The following HDGFL2 variants were observed in gnomAD, a reference collection of about 807,000 sequenced individuals.
HDGFL2 encodes the protein hepatoma-derived growth factor-related protein 2.
Under a neutral mutation model 77.1 loss-of-function variants are expected in HDGFL2, and 36 were observed. The ratio of observed to expected loss-of-function variants is 0.47; its 90% CI spans 0.36 to 0.62. HDGFL2 has a LOEUF of 0.62. Ranked by LOEUF, HDGFL2 falls within the 20% of genes least tolerant of loss-of-function variation. The pLI, the probability that HDGFL2 is intolerant of heterozygous loss-of-function variation, is 0.00. For missense variants in HDGFL2, 976 were observed against 973.4 expected, an observed-to-expected ratio of 1.00 and a Z score of -0.04; for synonymous variants, 463 against 413.1, an observed-to-expected ratio of 1.12 and a Z score of -1.46.
At chr19:4,501,813 A>G (rs1975898144) in intron 15 of HDGFL2, 98 bp from the exon 16 acceptor site, 3 of 864,806 alleles carry the variant, frequency 3.5e-6, no homozygotes, top group Non-Finnish European at 5.0e-6. Flanking sequence ...AGGTGCCACA[A>G]CGGGGGTACA....
rs1400638309 is a variant in HDGFL2, at chr19:4,493,984, G to C, written c.841G>C (p.Glu281Gln). ...ACCCCCTCCTCCTCTTCCTGTAGCG[G>C]AGAAGCCTCTCCCGAAGCCGCGAGG... ...KKPPRGRKPA[E>Q]KPLPKPRGRK... Residue 281 changes from glutamate (E) to glutamine (Q), a missense_variant and splice_region_variant, in exon 8 of 16, where the codon GAG (glutamate) becomes CAG (glutamine). Around this residue, in one of 5 missense-constraint regions of HDGFL2, gnomAD observed 567 missense variants for 534.7 expected, o/e 1.06. Coordinates refer to ENST00000616600, the MANE Select transcript of HDGFL2 (RefSeq NM_001001520.3). 1.2e-6 allele frequency: 2 copies of C among 1,607,668 alleles called. No homozygotes were observed. Among genetic ancestry groups the C allele is most frequent in the Admixed American group, 1.7e-5 (1 of 59,486 alleles).
intron 1 of HDGFL2, among the ~76,000 whole-genome samples, chr19:4,473,171 A>C (rs2145144127): frequency 7.7e-6 from 1 of 129,906 alleles, no homozygotes; most frequent in East Asian, 2.5e-4. Flanking sequence ...CTCTGGGGGA[A>C]TGGCGGTCCT....
Position 4,496,321 on chromosome 19 carries a change from A to T in HDGFL2, c.1244A>T (p.Lys415Met), listed in dbSNP as rs752716715. Residue 415 changes from lysine to methionine, a missense_variant, in exon 10 of 16, where the codon AAG (lysine) becomes ATG (methionine). By Grantham distance (95) the Lys-to-Met change is moderately conservative. Transcript: ENST00000616600. ...LEREAKKSAKKPQSSSTEPAR... is the reference protein window; with the variant it reads ...LEREAKKSAKMPQSSSTEPAR... ...CTATAGGCCAAGAAATCAGCGAAGA[A>T]GCCGCAGTCCTCAAGCACAGAGCCC... 1.3e-5 allele frequency: 21 copies of T among 1,614,022 alleles called. No homozygotes were observed. The highest frequency in any genetic ancestry group is 1.7e-6 in the Non-Finnish European group (2 of 1,180,004).
intron 3 of HDGFL2, among the ~76,000 whole-genome samples, chr19:4,480,349 TG>T (rs1007554011): frequency 6.6e-6 from 1 of 152,194 alleles, no homozygotes; most frequent in Non-Finnish European, 1.5e-5. Flanking sequence ...GCTCCCAGGC[TG>T]GCATTCTTTT....
At position 4,498,002 on chromosome 19, in the gene HDGFL2, C is replaced by G; in HGVS notation, c.1373C>G (p.Ser458Trp). The change falls in exon 11 of 16, where the codon TCG becomes TGG. Residue 458 changes from serine (S) to tryptophan (W), a missense_variant. Ser to Trp is a radical substitution (Grantham distance 177). Coordinates refer to ENST00000616600, the MANE Select transcript of HDGFL2 (RefSeq NM_001001520.3). ...ACCCGGAAGCGGTCCGAGGGCTTCT[C>G]GATGGACAGGAAGGTAGAGAAGAAG... ...ERTRKRSEGF[S>W]MDRKVEKKKE... 6.4e-7 allele frequency: 1 copy of G among 1,556,618 alleles called. No individual in the cohort carries two copies. The highest frequency in any genetic ancestry group is 1.2e-5 in the South Asian group (1 of 84,376).
intron 3 of HDGFL2, among the ~76,000 whole-genome samples, chr19:4,478,079 CAA>C (rs1160351990): frequency 1.9e-4 from 15 of 78,544 alleles, no homozygotes; most frequent in Middle Eastern, 7.8e-3. Flanking sequence ...GACTCTGTCT[CAA>C]AAAAAAAAAA....
At chr19:4,476,294 C>G (rs1159792549) in intron 3 of HDGFL2, among the ~76,000 whole-genome samples, 1 of 147,522 alleles carries the variant, frequency 6.8e-6, no homozygotes, top group African/African-American at 2.5e-5. Context: ...CCGGGTCCAA[C>G]TGACTCTGCT....
At chr19:4,484,017 C>T (rs1975292263) in intron 3 of HDGFL2, among the ~76,000 whole-genome samples, 1 of 151,262 alleles carries the variant, frequency 6.6e-6, no homozygotes, top group Non-Finnish European at 1.5e-5. Context: ...TCTTGATCTC[C>T]TGACCTCGTG....
In HDGFL2 at chr19:4,495,203, C is replaced by T. The variant is rs907770708; in HGVS notation, c.1224+728C>T. 5.9e-5 allele frequency among the ~76,000 whole-genome samples: 9 copies of T among 151,932 alleles called. 1 individual carries two copies. Among genetic ancestry groups the T allele is most frequent in the African/African-American group, 9.7e-5 (4 of 41,412 alleles). Reference sequence around the variant, plus strand: ...GAGATCAAGACCAGCCTGGCTAACACGGTGAAACCCTGTCTCTACTAAAAA... The same window carrying T: ...GAGATCAAGACCAGCCTGGCTAACATGGTGAAACCCTGTCTCTACTAAAAA... On this transcript the variant is annotated intron_variant, in intron 9 of 15. Coordinates refer to ENST00000616600, the MANE Select transcript of HDGFL2 (RefSeq NM_001001520.3).
Position 4,494,263 on chromosome 19 carries a change from G to A in HDGFL2, c.1012G>A (p.Glu338Lys), listed in dbSNP as rs1160195278. 2 of 1,456,866 alleles carry A rather than the reference G, an allele frequency of 1.4e-6. No homozygotes were observed. Among genetic ancestry groups the A allele is most frequent in the African/African-American group, 1.5e-5 (1 of 67,588 alleles). 90.2% of individuals were successfully genotyped at this position (1,456,866 alleles called of 1,614,324 possible). The change falls in exon 9 of 16, where the codon GAG (glutamate) becomes AAG (lysine). Residue 338 changes from glutamate (E) to lysine (K), a missense_variant. By Grantham distance (56) the Glu-to-Lys change is moderately conservative. Transcript: ENST00000616600. ...EARRRREQEE[E>K]LRRLREQEKE... ...CCGGCGGCGGCGAGAGCAGGAGGAGGAGCTGCGGCGCCTGCGGGAGCAGGA... is the reference window on the plus strand; with the variant it reads ...CCGGCGGCGGCGAGAGCAGGAGGAGAAGCTGCGGCGCCTGCGGGAGCAGGA...
In HDGFL2 at chr19:4,493,782, C is replaced by T. The variant is rs1232986233; in HGVS notation, c.758C>T (p.Ser253Leu). 7 of 1,543,740 alleles carry T rather than the reference C, an allele frequency of 4.5e-6. No individual in the cohort carries two copies. Among genetic ancestry groups the T allele is most frequent in the Admixed American group, 4.0e-5 (2 of 50,568 alleles). Residue 253 changes from serine to leucine, a missense_variant, in exon 7 of 16, where the codon TCG (serine) becomes TTG (leucine). By Grantham distance (145) the Ser-to-Leu change is moderately radical (BLOSUM62 -2). Coordinates refer to ENST00000616600, the MANE Select transcript of HDGFL2 (RefSeq NM_001001520.3). The part of the protein sequence containing the change: ...AKPEPVAMAR[S>L]ASSSSSSSSS... ...CCTGAGCCGGTGGCCATGGCGCGGT[C>T]GGCGTCCTCCTCCTCCTCTTCCTCC... is the stretch of plus-strand genomic sequence containing the variant.
intron 3 of HDGFL2, among the ~76,000 whole-genome samples, chr19:4,486,152 C>T (rs939723032): frequency 2.6e-5 from 4 of 151,942 alleles, no homozygotes; most frequent in African/African-American, 7.3e-5. Context: ...GGCAATCACT[C>T]GGTCAGGTGT....
chr19:4,490,990 A>G (rs1179924095), intron 4 of HDGFL2, among the ~76,000 whole-genome samples: 1 of 151,838 alleles, frequency 6.6e-6, no homozygotes, highest in African/African-American at 2.4e-5. Context: ...TTTGTTTTTC[A>G]GTAGAGATGG....
chr19:4,495,410 T>A (rs113473140), intron 9 of HDGFL2, among the ~76,000 whole-genome samples: 5,842 of 76,030 alleles, frequency 0.077, 203 homozygotes, highest in African/African-American at 0.16. Flanking sequence ...AAAAAAAAAA[T>A]AGGCTCCGAA....
chr19:4,484,918 G>A (rs11672343), intron 3 of HDGFL2, among the ~76,000 whole-genome samples: 57,488 of 151,594 alleles, frequency 0.38, 12,613 homozygotes, highest in Middle Eastern at 0.49. Context: ...TGATCTGCCC[G>A]CCTCGGCCTC....
At position 4,494,261 on chromosome 19, in the gene HDGFL2, A is replaced by C. The variant is rs1422008685; in HGVS notation, c.1010A>C (p.Glu337Ala). The change falls in exon 9 of 16, where the codon GAG (glutamate) becomes GCG (alanine). Residue 337 changes from glutamate to alanine, a missense_variant. Transcript: ENST00000616600. ...GCCCGGCGGCGGCGAGAGCAGGAGG[A>C]GGAGCTGCGGCGCCTGCGGGAGCAG... ...LEARRRREQE[E>A]ELRRLREQEK... 6.9e-7 allele frequency: 1 copy of C among 1,458,872 alleles called. No individual in the cohort carries two copies. The highest frequency in any genetic ancestry group is 2.8e-5 in the Admixed American group (1 of 36,126). 90.4% of individuals were successfully genotyped at this position (1,458,872 alleles called of 1,614,324 possible). A position where few individuals can be genotyped will look rare whatever the true frequency, so the allele number is the denominator to read the frequency against.
rs962845033 is a variant in HDGFL2 at position 4,488,724 on chromosome 19, G to A, written c.337G>A (p.Gly113Ser). Residue 113 changes from glycine (G) to serine (S), a missense_variant, in exon 4 of 16, where the codon GGC (glycine) becomes AGC (serine). Physicochemically the swap from Gly to Ser is moderately conservative, Grantham distance 56. This residue lies in a region of HDGFL2 where 103 missense variants were observed against 145.7 expected (regional missense o/e 0.71). Transcript: ENST00000616600. ...GGCCCCCGAGGCCAACCCCGCCGAC[G>A]GCAGTGACGCTGACGAGGACGATGA... is the stretch of plus-strand genomic sequence containing the variant. ...SEAPEANPAD[G>S]SDADEDDEDR... The A allele has an allele frequency of 4.5e-6, 7 of 1,553,824 alleles. No homozygotes were observed. The highest frequency in any genetic ancestry group is 1.4e-5 in the African/African-American group (1 of 73,382).
At position 4,488,860 on chromosome 19, in the gene HDGFL2, A is replaced by G. The variant is rs1223657849; in HGVS notation, c.473A>G (p.Lys158Arg). ...AGCGACAACAGTGGCCTGAAGAGGA[A>G]GACGCCTGCGCTAAAGGTAGGGGAG... is the stretch of plus-strand genomic sequence containing the variant. ...KSSDNSGLKRKTPALKMSVSK... is the reference protein window; with the variant it reads ...KSSDNSGLKRRTPALKMSVSK... Residue 158 changes from lysine (K) to arginine (R), a missense_variant, in exon 4 of 16, where the codon AAG (lysine) becomes AGG (arginine). Transcript: ENST00000616600. The G allele has an allele frequency of 3.9e-6, 6 of 1,551,522 alleles. No homozygotes were observed. The East Asian group carries it at 9.8e-5, about 25-fold the overall frequency.
intron 1 of HDGFL2, among the ~76,000 whole-genome samples, chr19:4,474,019 C>T (rs1466037279): frequency 6.6e-6 from 1 of 151,968 alleles, no homozygotes; most frequent in African/African-American, 2.4e-5. Flanking sequence ...AAGGATATTC[C>T]GCACCTTGGA....
Sources: allele counts gnomAD v4.1 joint callset (sites outside exome capture counted in the v4.1 genomes callset), GRCh38; gene constraint gnomAD v4.1.1; regional missense constraint gnomAD v4.1.1; transcripts MANE v1.5; gene names NCBI Gene and HGNC (gene_info 2026-07-23, HGNC 2026-07-21).